Variants in DLGAP1 observed in about 807,000 individuals in gnomAD.
DLGAP1 encodes DLG associated protein 1.
Under a neutral mutation model 90.8 loss-of-function variants are expected in DLGAP1, and 11 were observed. The ratio of observed to expected loss-of-function variants is 0.12; its 90% CI spans 0.08 to 0.20. DLGAP1 has a LOEUF of 0.20. DLGAP1 is among the 10% of genes least tolerant of loss of function. DLGAP1 has a pLI of 1.00. For missense variants in DLGAP1, 1,050 were observed against 1,333.8 expected, an observed-to-expected ratio of 0.79 and a Z score of 3.31; for synonymous variants, 558 against 540.7, an observed-to-expected ratio of 1.03 and a Z score of -0.44.
chr18:3,855,151 A>G (rs1200958745), intron 4 of DLGAP1, among the ~76,000 whole-genome samples: 1 of 152,192 alleles, frequency 6.6e-6, no homozygotes, highest in African/African-American at 2.4e-5. Flanking sequence ...ACATGGATGG[A>G]ACTAGAGGCC....
chr18:3,845,866 C>T, intron 4 of DLGAP1, among the ~76,000 whole-genome samples: 1 of 152,150 alleles, frequency 6.6e-6, no homozygotes, highest in East Asian at 1.9e-4. Flanking sequence ...CAATAGATTT[C>T]CATCCTTGAG....
chr18:3,708,637 G>A, intron 7 of DLGAP1: 7 of 424,066 alleles, frequency 1.7e-5, no homozygotes, highest in South Asian at 1.2e-4. Flanking sequence ...TTTAAATTTT[G>A]GGGCACACTC....
intron 2 of DLGAP1, among the ~76,000 whole-genome samples, chr18:4,016,785 T>C (rs1368428356): frequency 6.6e-6 from 1 of 152,316 alleles, no homozygotes; most frequent in Admixed American, 6.5e-5. Flanking sequence ...GCAGGGCTCC[T>C]GAGCTCAGTT....
chr18:4,285,807 T>C (rs2079675242), intron 1 of DLGAP1, among the ~76,000 whole-genome samples: 1 of 152,198 alleles, frequency 6.6e-6, no homozygotes, highest in African/African-American at 2.4e-5. Flanking sequence ...ACTGAGCTAT[T>C]GCTACAGGTG....
intron 7 of DLGAP1, among the ~76,000 whole-genome samples, chr18:3,718,559 A>C (rs530538739): frequency 3.3e-5 from 5 of 152,262 alleles, no homozygotes; most frequent in African/African-American, 1.2e-4. Context: ...CAAAACCCCC[A>C]CTGACAGAAT....
intron 7 of DLGAP1, among the ~76,000 whole-genome samples, chr18:3,641,430 G>A (rs1007360521): frequency 1.1e-4 from 17 of 150,958 alleles, no homozygotes; most frequent in African/African-American, 2.9e-4. Context: ...CCAGCTACTC[G>A]GGAGGCTGAG....
chr18:3,831,559 A>G (rs1227536639), intron 4 of DLGAP1, among the ~76,000 whole-genome samples: 3 of 152,224 alleles, frequency 2.0e-5, no homozygotes, highest in Non-Finnish European at 4.4e-5. Flanking sequence ...AGTTTCTCAA[A>G]TTCAACTCCT....
intron 1 of DLGAP1, among the ~76,000 whole-genome samples, chr18:4,176,176 T>C (rs2077104101): frequency 6.6e-6 from 1 of 152,180 alleles, no homozygotes; most frequent in South Asian, 2.1e-4. Flanking sequence ...ATTCTCTTTA[T>C]AGTGATTCAC....
chr18:3,999,078 CCT>C (rs1292018280), intron 3 of DLGAP1, among the ~76,000 whole-genome samples: 3 of 151,820 alleles, frequency 2.0e-5, no homozygotes, highest in African/African-American at 7.3e-5. Flanking sequence ...AGTTTTTCTC[CCT>C]GTCTCCTCAA....
chr18:4,147,585 C>T (rs866101240), intron 2 of DLGAP1, among the ~76,000 whole-genome samples: 1 of 89,166 alleles, frequency 1.1e-5, no homozygotes, highest in African/African-American at 3.6e-5. Context: ...ATCCATCCAT[C>T]CATCCATCCA....
At chr18:3,523,170 C>T (rs558062217) in intron 10 of DLGAP1, among the ~76,000 whole-genome samples, 2 of 151,720 alleles carry the variant, frequency 1.3e-5, no homozygotes, top group East Asian at 3.9e-4. Flanking sequence ...GTCAGCAGTT[C>T]AAGACCAGCC....
At chr18:3,530,336 C>G (rs555210029) in intron 10 of DLGAP1, among the ~76,000 whole-genome samples, 4 of 152,044 alleles carry the variant, frequency 2.6e-5, no homozygotes, top group African/African-American at 9.6e-5. Context: ...GGGCCCAGGA[C>G]GTCCAGGCTA....
chr18:4,172,185 A>G (rs917388794), intron 1 of DLGAP1, among the ~76,000 whole-genome samples: 1 of 152,178 alleles, frequency 6.6e-6, no homozygotes, highest in Non-Finnish European at 1.5e-5. Context: ...ATATGTCTTA[A>G]TGTTCCTGTA....
intron 3 of DLGAP1, among the ~76,000 whole-genome samples, chr18:3,951,872 C>T (rs552858106): frequency 6.6e-6 from 1 of 152,266 alleles, no homozygotes; most frequent in South Asian, 2.1e-4. Flanking sequence ...GCTTCTCCAG[C>T]CATGCAGAAC....
chr18:4,442,944 A>G (rs945735598), intron 1 of DLGAP1, among the ~76,000 whole-genome samples: 8 of 152,230 alleles, frequency 5.3e-5, no homozygotes, highest in Admixed American at 2.6e-4. Flanking sequence ...TGCTTGGCAC[A>G]TAGTAGTCAT....
intron 3 of DLGAP1, among the ~76,000 whole-genome samples, chr18:3,994,456 TC>T (rs1293093765): frequency 6.6e-6 from 1 of 152,158 alleles, no homozygotes; most frequent in Non-Finnish European, 1.5e-5. Flanking sequence ...TAAATTCACC[TC>T]AACTCTCTTA....
intron 10 of DLGAP1, among the ~76,000 whole-genome samples, chr18:3,513,964 T>C (rs192497781): frequency 6.6e-6 from 1 of 152,302 alleles, no homozygotes; most frequent in Non-Finnish European, 1.5e-5. Context: ...TGCAAGGAGT[T>C]TCAGTGTGCT....
At chr18:4,159,962 C>T (rs910500940) in intron 1 of DLGAP1, among the ~76,000 whole-genome samples, 6 of 152,328 alleles carry the variant, frequency 3.9e-5, no homozygotes, top group Admixed American at 2.6e-4. Context: ...TACTGCCTCC[C>T]ACACCAACTC....
chr18:3,690,544 T>C (rs989276357), intron 7 of DLGAP1, among the ~76,000 whole-genome samples: 2 of 152,102 alleles, frequency 1.3e-5, no homozygotes, highest in Non-Finnish European at 1.5e-5. Flanking sequence ...CAAGACCTCA[T>C]ACTGGCCTGG....
Sources: gnomAD v4.1 joint callset for allele counts (sites outside exome capture counted in the v4.1 genomes callset) on GRCh38, gnomAD v4.1.1 for gene constraint, MANE v1.5 for transcripts, NCBI Gene and HGNC (gene_info 2026-07-23, HGNC 2026-07-21) for gene names.